The following FLNB variants were observed in gnomAD, a reference collection of about 807,000 sequenced individuals.
FLNB encodes the protein filamin B.
In FLNB, 111 loss-of-function variants were observed where a neutral mutation model predicts 250.6. The observed-to-expected ratio is 0.44, with a 90% CI of 0.38 to 0.52. FLNB has a LOEUF of 0.52. FLNB is among the 20% of genes least tolerant of loss of function. The pLI is 0.00. For synonymous variants in FLNB, 1,302 were observed against 1,372.1 expected, an observed-to-expected ratio of 0.95 and a Z score of 1.13; for missense variants, 2,869 against 3,447.8, an observed-to-expected ratio of 0.83 and a Z score of 4.20.
chr3:58,121,834 A>G (rs1057224350), intron 20 of FLNB, among the ~76,000 whole-genome samples: 5 of 152,200 alleles, frequency 3.3e-5, no homozygotes, highest in Non-Finnish European at 7.3e-5. Context: ...CAGCTCACAG[A>G]CGGAGCTCAC....
chr3:58,156,125 A>T, intron 41 of FLNB, 50 bp downstream of exon 41: 1 of 1,384,450 alleles, frequency 7.2e-7, no homozygotes, highest in Non-Finnish European at 1.0e-6. Flanking sequence ...CACCAGTGAG[A>T]CCCCTGGACT....
At chr3:58,108,125 C>CAA (rs199822091) in intron 12 of FLNB, among the ~76,000 whole-genome samples, 7 of 148,746 alleles carry the variant, frequency 4.7e-5, no homozygotes, top group African/African-American at 1.7e-4. Context: ...AAAACAAAAA[C>CAA]AAAAAAAAAA....
rs1042131738 is a variant in FLNB, at chr3:58,156,225, G to A, written c.6888+150G>A. ...CACCCAGTCACTGGGGAGCTTTCCTGTGGCAGAGTCAACTCCCCATACACT... is the reference window on the plus strand; with the variant it reads ...CACCCAGTCACTGGGGAGCTTTCCTATGGCAGAGTCAACTCCCCATACACT... On this transcript the variant is annotated intron_variant, in intron 41 of 45. Coordinates refer to ENST00000295956, the MANE Select transcript of FLNB (RefSeq NM_001457.4). 3 of 669,480 alleles carry A rather than the reference G, an allele frequency of 4.5e-6. No homozygotes were observed. The African/African-American group carries it at 5.3e-5, about 12-fold the overall frequency. 41.5% of individuals were successfully genotyped at this position (669,480 alleles called of 1,614,324 possible). A position where few individuals can be genotyped will look rare whatever the true frequency, so the allele number is the denominator to read the frequency against.
At position 58,108,486 on chromosome 3, in the gene FLNB, A is replaced by C. The variant is rs1440007361; in HGVS notation, c.1970A>C (p.Lys657Thr). Residue 657 changes from lysine to threonine, a missense_variant, in exon 13 of 46, where the codon AAA becomes ACA. Physicochemically the swap from Lys to Thr is moderately conservative, Grantham distance 78 (BLOSUM62 -1). This residue lies in a region of FLNB where 1,348 missense variants were observed against 1,466.7 expected (regional missense o/e 0.92). Coordinates refer to ENST00000295956, the MANE Select transcript of FLNB (RefSeq NM_001457.4). ...LVRAYGPGLE[K>T]SGCIVNNLAE... ...CGAGCATACGGGCCAGGTTTGGAGA[A>C]ATCTGGATGCATTGTCAACAACCTG... is the stretch of plus-strand genomic sequence containing the variant. The C allele has an allele frequency of 3.1e-6, 5 of 1,614,068 alleles. No individual in the cohort carries two copies. The South Asian group carries it at 5.5e-5, about 18-fold the overall frequency.
In FLNB at chr3:58,057,682, G is replaced by T. The variant is rs557594031; in HGVS notation, c.293-19364G>T. On this transcript the variant is annotated intron_variant, in intron 1 of 45. Coordinates refer to ENST00000295956, the MANE Select transcript of FLNB (RefSeq NM_001457.4). ...AGTTTGGTAGTTGGTTGACTGGGTG[G>T]GTGGTCCCTTGGTAATTATTTGTTG... Among the ~76,000 whole-genome samples the T allele has an allele frequency of 9.2e-5, 14 of 152,282 alleles. No individual in the cohort carries two copies. In the South Asian group the frequency reaches 2.5e-3, roughly 27 times the overall value.
chr3:58,127,264 T>C (rs1175895777), intron 24 of FLNB, among the ~76,000 whole-genome samples: 1 of 150,980 alleles, frequency 6.6e-6, no homozygotes, highest in Non-Finnish European at 1.5e-5. Context: ...GCCTGGGAGG[T>C]TGAGTGAGCT....
chr3:58,033,971 CT>C (rs756824821), intron 1 of FLNB, among the ~76,000 whole-genome samples: 1 of 152,110 alleles, frequency 6.6e-6, no homozygotes, highest in Non-Finnish European at 1.5e-5. Flanking sequence ...AGCAATTCTC[CT>C]GCCTCAGCCT....
intron 1 of FLNB, among the ~76,000 whole-genome samples, chr3:58,055,413 C>T (rs556761331): frequency 2.4e-4 from 37 of 152,218 alleles, no homozygotes; most frequent in East Asian, 3.9e-4. Flanking sequence ...TGGTGGTGGG[C>T]GGGCCATATT....
chr3:58,032,924 A>G (rs1339634283), intron 1 of FLNB, among the ~76,000 whole-genome samples: 4 of 152,112 alleles, frequency 2.6e-5, no homozygotes, highest in Non-Finnish European at 5.9e-5. Context: ...CCGCCAAAAA[A>G]AAGCTAGGTG....
rs577657940 is a variant in FLNB, at chr3:58,078,352, A to G, written c.542-365A>G. On this transcript the variant is annotated intron_variant, in intron 2 of 45. Coordinates refer to ENST00000295956, the MANE Select transcript of FLNB (RefSeq NM_001457.4). ...GGATTTTTGAATCACACAGGATGCT[A>G]TTCTAGACTTTTTAGATATATCCAG... is the stretch of plus-strand genomic sequence containing the variant. 2.2e-5 allele frequency: 33 copies of G among 1,485,450 alleles called. No individual in the cohort carries two copies. The South Asian group carries it at 4.1e-4, about 18-fold the overall frequency. The allele number at this position is 1,485,450 out of a possible 1,614,324, so 92.0% of individuals were successfully genotyped here. A position where few individuals can be genotyped will look rare whatever the true frequency, so the allele number is the denominator to read the frequency against.
At chr3:58,094,775 G>A in intron 4 of FLNB, 61 bp from the exon 5 acceptor site, 1 of 1,367,444 alleles carries the variant, frequency 7.3e-7, no homozygotes, top group South Asian at 1.2e-5. Flanking sequence ...AGATGCAGTG[G>A]GCGATGGCTC....
intron 19 of FLNB, 67 bp downstream of exon 19, chr3:58,119,056 T>G (rs2097283826): frequency 8.5e-7 from 1 of 1,178,088 alleles, no homozygotes; most frequent in East Asian, 2.3e-5. Flanking sequence ...GGTTAGATTT[T>G]CTTCAAAAGG....
chr3:58,154,231 A>C (rs566700170), intron 39 of FLNB, among the ~76,000 whole-genome samples: 10 of 152,108 alleles, frequency 6.6e-5, no homozygotes, highest in Non-Finnish European at 1.5e-4. Context: ...GGCATGAGCC[A>C]CTGTGCCTGG....
At chr3:58,071,101 C>T (rs1362375209) in intron 1 of FLNB, among the ~76,000 whole-genome samples, 1 of 151,604 alleles carries the variant, frequency 6.6e-6, no homozygotes, top group Non-Finnish European at 1.5e-5. Flanking sequence ...TGGGCATGCA[C>T]CACTACACCT....
chr3:58,044,412 C>T lies in FLNB; in HGVS notation c.293-32634C>T, dbSNP rs142034618. 4.6e-5 allele frequency among the ~76,000 whole-genome samples: 7 copies of T among 151,474 alleles called. No homozygotes were observed. In the East Asian group the frequency reaches 1.4e-3, roughly 30 times the overall value. Reference sequence around the variant, plus strand: ...AGAAGTTCAAAGCCAGAGTGGGCAACATAAAGAGACCCTGTCTCTACAAAA... The same window carrying T: ...AGAAGTTCAAAGCCAGAGTGGGCAATATAAAGAGACCCTGTCTCTACAAAA... On this transcript the variant is annotated intron_variant, in intron 1 of 45. Transcript: ENST00000295956.
At position 58,170,756 on chromosome 3, in the gene FLNB, G is replaced by A; in HGVS notation, c.7803G>A (p.Val2601=). 2 of 1,613,986 alleles carry A rather than the reference G, an allele frequency of 1.2e-6. No homozygotes were observed. The highest frequency in any genetic ancestry group is 2.2e-5 in the East Asian group (1 of 44,886). ...CTGGCAGCCCTTTTCATGTCACAGT[G>A]CCTTAAAACAGTTTTCTCAAATCCT... The part of the protein sequence containing the change: ...HIPGSPFHVT[V]P The change falls in exon 46 of 46, where the codon GTG becomes GTA. Residue 2601 remains valine, a synonymous_variant. Transcript: ENST00000295956.
At chr3:58,078,966 A>G (rs1488248497) in intron 3 of FLNB, 152 bp downstream of exon 3, 7 of 657,702 alleles carry the variant, frequency 1.1e-5, no homozygotes, top group East Asian at 2.8e-5. Flanking sequence ...CAGTTTACCC[A>G]TAATAATAGT....
At position 58,151,918 on chromosome 3, in the gene FLNB, T is replaced by G. The variant is rs187279806; in HGVS notation, c.6368-1457T>G. 6.0e-3 allele frequency among the ~76,000 whole-genome samples: 909 copies of G among 152,322 alleles called. 6 individuals are homozygous for G. Among genetic ancestry groups the G allele is most frequent in the Non-Finnish European group, 9.1e-3 (617 of 68,018 alleles). On this transcript the variant is annotated intron_variant, in intron 38 of 45. Coordinates refer to ENST00000295956, the MANE Select transcript of FLNB (RefSeq NM_001457.4). ...CTCCCCCACCAGCACTGGGGCTGTCTCTCCTTCTCACTTTGGCCAACCTGA... is the reference window on the plus strand; with the variant it reads ...CTCCCCCACCAGCACTGGGGCTGTCGCTCCTTCTCACTTTGGCCAACCTGA...
At chr3:58,040,321 C>CTACCCTCATGGAGCTGGCCTCT (rs563323948) in intron 1 of FLNB, among the ~76,000 whole-genome samples, 188 of 152,330 alleles carry the variant, frequency 1.2e-3, no homozygotes, top group African/African-American at 3.8e-3. Flanking sequence ...CAGTTACCTT[C>CTACCCTCATGGAGCTGGCCTCT]TACCCTCATG....
Sources: allele counts gnomAD v4.1 joint callset (sites outside exome capture counted in the v4.1 genomes callset), GRCh38; gene constraint gnomAD v4.1.1; regional missense constraint gnomAD v4.1.1; transcripts MANE v1.5; gene names NCBI Gene and HGNC (gene_info 2026-07-23, HGNC 2026-07-21).